WDFY3: variants seen among roughly 807,000 people sequenced by gnomAD.
The protein encoded by WDFY3 is WD repeat and FYVE domain containing 3, also known as WD repeat and FYVE domain-containing protein 3.
A neutral mutation model predicts 409.6 loss-of-function variants in WDFY3; 66 were observed. That is an observed-to-expected ratio of 0.16 (90% CI 0.13 to 0.20). The LOEUF is 0.20. WDFY3 is among the 10% of genes least tolerant of loss of function. The pLI is 1.00. For missense variants in WDFY3, 3,031 were observed against 4,298.1 expected (o/e 0.71, Z 8.24); for synonymous variants, 1,521 against 1,537.1 (o/e 0.99, Z 0.25).
At chr4:84,684,950 C>A (rs1225162442) in intron 62 of WDFY3, among the ~76,000 whole-genome samples, 1 of 152,302 alleles carries the variant, frequency 6.6e-6, no homozygotes, top group African/African-American at 2.4e-5. Context: ...AACACAGCAA[C>A]CTTGTGAGAT....
chr4:84,768,832 G>C (rs1744141862), intron 30 of WDFY3, among the ~76,000 whole-genome samples: 1 of 152,288 alleles, frequency 6.6e-6, no homozygotes, highest in South Asian at 2.1e-4. Flanking sequence ...AGCTGCCATA[G>C]ATGGTGATTT....
intron 3 of WDFY3, among the ~76,000 whole-genome samples, chr4:84,876,402 T>C (rs557484744): frequency 2.0e-5 from 3 of 152,228 alleles, no homozygotes; most frequent in Non-Finnish European, 4.4e-5. Context: ...ACGTTCTGTG[T>C]GTAAGATTCC....
intron 37 of WDFY3, among the ~76,000 whole-genome samples, chr4:84,742,709 T>C (rs965472366): frequency 6.6e-6 from 1 of 152,152 alleles, no homozygotes. Flanking sequence ...GGATCCAGGG[T>C]TGCACAGTCC....
At chr4:84,847,776 AAAAAAAAAAAAACC>A (rs1054448318) in intron 5 of WDFY3, among the ~76,000 whole-genome samples, 4 of 143,770 alleles carry the variant, frequency 2.8e-5, no homozygotes, top group Non-Finnish European at 6.3e-5. Flanking sequence ...TCCGTCCCAA[AAAAAAAAAAAAACC>A]AAAAAAAAAA....
At chr4:84,800,547 T>A (rs993017634) in intron 17 of WDFY3, among the ~76,000 whole-genome samples, 1 of 152,180 alleles carries the variant, frequency 6.6e-6, no homozygotes, top group Admixed American at 6.5e-5. Flanking sequence ...ACAACTTGTG[T>A]GCAGCTCAAG....
In WDFY3 at chr4:84,817,506, C is replaced by A. The variant is rs746280665; in HGVS notation, c.1773G>T (p.Met591Ile). Residue 591 changes from methionine (M) to isoleucine (I), a missense_variant, in exon 13 of 68, where the codon ATG (methionine) becomes ATT (isoleucine). This residue lies in a region of WDFY3 where 1,322 missense variants were observed against 1,697.9 expected (regional missense o/e 0.78). Transcript: ENST00000295888. The stretch of plus-strand genomic sequence containing the variant: ...GGGAGAGCACCAGCTGTTGGATAGT[C>A]ATCAAGGCATGCTGCCGGCATTGAG... ...KYPQCRQHALMTIQQLVLSPN... is the reference protein window; with the variant it reads ...KYPQCRQHALITIQQLVLSPN... 6.2e-7 allele frequency: 1 copy of A among 1,613,830 alleles called. No individual in the cohort carries two copies. Among genetic ancestry groups the A allele is most frequent in the South Asian group, 1.1e-5 (1 of 91,088 alleles).
rs544946721 is a variant in WDFY3 at position 84,869,056 on chromosome 4, T to G, written c.-31-8434A>C. On this transcript the variant is annotated intron_variant, in intron 3 of 67. Coordinates refer to ENST00000295888, the MANE Select transcript of WDFY3 (RefSeq NM_014991.6). ...TCTACATACGTTTGCTAACCTGTAGTTCAGGTCATTTAGCTTGGTAATCAC... is the reference window on the plus strand; with the variant it reads ...TCTACATACGTTTGCTAACCTGTAGGTCAGGTCATTTAGCTTGGTAATCAC... Among the ~76,000 whole-genome samples, 283 of 152,346 alleles carry G rather than the reference T, an allele frequency of 1.9e-3. 2 individuals are homozygous for G. Among genetic ancestry groups the G allele is most frequent in the African/African-American group, 6.5e-3 (271 of 41,580 alleles).
intron 37 of WDFY3, among the ~76,000 whole-genome samples, chr4:84,743,452 T>C (rs1449988268): frequency 2.0e-5 from 3 of 152,144 alleles, no homozygotes; most frequent in Non-Finnish European, 4.4e-5. Context: ...AAAATAATTA[T>C]CTCAAGCTGA....
chr4:84,717,560 AAGC>A (rs906561678), intron 48 of WDFY3, among the ~76,000 whole-genome samples: 3 of 152,158 alleles, frequency 2.0e-5, no homozygotes, highest in Non-Finnish European at 4.4e-5. Context: ...AAAGGAAGAG[AAGC>A]AGCCTGTTGA....
chr4:84,740,628 A>AT (rs1560635972), intron 38 of WDFY3, among the ~76,000 whole-genome samples: 1 of 152,158 alleles, frequency 6.6e-6, no homozygotes, highest in Non-Finnish European at 1.5e-5. Flanking sequence ...TGAGGGCTAC[A>AT]TAAAAAAAAA....
Position 84,798,028 on chromosome 4 carries a change from G to C in WDFY3, c.2903C>G (p.Pro968Arg). Residue 968 changes from proline (P) to arginine (R), a missense_variant, in exon 18 of 68, where the codon CCA becomes CGA. Pro to Arg is a moderately radical substitution (Grantham distance 103). Transcript: ENST00000295888. ...KLLKQYRVHK[P>R]SSLSYEPEMR... is the part of the protein sequence containing the mutation. ...TTCTGGTTCATAACTCAGTGAACTTGGTTTGTGGACCCTATATTGTTTTAG... is the reference window on the plus strand; with the variant it reads ...TTCTGGTTCATAACTCAGTGAACTTCGTTTGTGGACCCTATATTGTTTTAG... 6.2e-7 allele frequency: 1 copy of C among 1,612,496 alleles called. No homozygotes were observed.
In WDFY3 at chr4:84,942,749, C is replaced by T. The variant is rs539515896; in HGVS notation, c.-225-10386G>A. ...CTGTTCAAATTATTTGTTCATTTTTCGACAGGGTTCTTTGTCTTCTTATTA... is the reference window on the plus strand; with the variant it reads ...CTGTTCAAATTATTTGTTCATTTTTTGACAGGGTTCTTTGTCTTCTTATTA... On this transcript the variant is annotated intron_variant, in intron 1 of 67. Coordinates refer to ENST00000295888, the MANE Select transcript of WDFY3 (RefSeq NM_014991.6). Among the ~76,000 whole-genome samples, 8 of 152,234 alleles carry T rather than the reference C, an allele frequency of 5.3e-5. No individual in the cohort carries two copies. The South Asian group carries it at 1.2e-3, about 24-fold the overall frequency.
rs535005960 is a variant in WDFY3, at chr4:84,733,382, C to T, written c.7221G>A (p.Ala2407=). 2.5e-6 allele frequency: 4 copies of T among 1,613,504 alleles called. No individual in the cohort carries two copies. Among genetic ancestry groups the T allele is most frequent in the African/African-American group, 1.3e-5 (1 of 74,866 alleles). Residue 2407 remains alanine (A), a splice_region_variant and synonymous_variant, in exon 44 of 68, where the codon GCG becomes GCA. Coordinates refer to ENST00000295888, the MANE Select transcript of WDFY3 (RefSeq NM_014991.6). ...TGATCATTGAATTCTGCATACTCAC[C>T]GCCACATTTGTCTCTTGCTCAGTTT... The part of the protein sequence containing the change: ...VPETEQETNV[A]SEIPSKQPET...
intron 1 of WDFY3, among the ~76,000 whole-genome samples, chr4:84,951,035 A>G (rs1010349584): frequency 1.2e-4 from 19 of 152,100 alleles, no homozygotes; most frequent in Non-Finnish European, 2.6e-4. Flanking sequence ...CACAATGCAA[A>G]ATGCATCTCA....
chr4:84,950,722 G>A (rs373556208), intron 1 of WDFY3, among the ~76,000 whole-genome samples: 7 of 152,120 alleles, frequency 4.6e-5, no homozygotes, highest in Admixed American at 1.3e-4. Flanking sequence ...CCCAGGAGGC[G>A]GAGGCTGCAG....
At chr4:84,878,591 T>A (rs1222343666) in intron 3 of WDFY3, among the ~76,000 whole-genome samples, 1 of 152,222 alleles carries the variant, frequency 6.6e-6, no homozygotes, top group Non-Finnish European at 1.5e-5. Flanking sequence ...TGAATTTTGC[T>A]CTTCCAATTA....
At chr4:84,682,885 T>G (rs7668460) in intron 63 of WDFY3, 82,412 of 157,718 alleles carry the variant, frequency 0.52, 24,536 homozygotes, top group African/African-American at 0.83. Context: ...GGGAGGCTGA[T>G]GCAGGAGAAT....
intron 58 of WDFY3, among the ~76,000 whole-genome samples, chr4:84,694,252 A>C (rs1729739888): frequency 6.6e-6 from 1 of 152,192 alleles, no homozygotes. Context: ...CATTTACTGA[A>C]GCACTTTTAC....
intron 56 of WDFY3, among the ~76,000 whole-genome samples, chr4:84,697,959 G>C (rs911287206): frequency 1.3e-5 from 2 of 152,134 alleles, no homozygotes; most frequent in Non-Finnish European, 2.9e-5. Context: ...TTGTTTAAAG[G>C]AATGTCTTGA....
Sources: allele counts gnomAD v4.1 joint callset (sites outside exome capture counted in the v4.1 genomes callset), GRCh38; gene constraint gnomAD v4.1.1; regional missense constraint gnomAD v4.1.1; transcripts MANE v1.5; gene names NCBI Gene and HGNC (gene_info 2026-07-23, HGNC 2026-07-21).